The following COL24A1 variants were observed in gnomAD, a reference collection of about 807,000 sequenced individuals.
The protein encoded by COL24A1 is collagen alpha-1(XXIV) chain.
In COL24A1, 224 loss-of-function variants were observed where a neutral mutation model predicts 253.9. The ratio of observed to expected loss-of-function variants is 0.88; its 90% CI spans 0.79 to 0.99. The LOEUF is 0.99. Among genes scored for constraint, COL24A1 ranks in the 50% least tolerant of loss-of-function variants. The pLI is 0.00. For synonymous variants in COL24A1, 685 were observed against 673.7 expected, an observed-to-expected ratio of 1.02 and a Z score of -0.26; for missense variants, 2,131 against 2,068.5, an observed-to-expected ratio of 1.03 and a Z score of -0.59.
At chr1:86,074,413 T>C (rs1010304355) in intron 7 of COL24A1, among the ~76,000 whole-genome samples, 4 of 152,176 alleles carry the variant, frequency 2.6e-5, no homozygotes, top group Non-Finnish European at 4.4e-5. Flanking sequence ...CTAACACTTC[T>C]AAATATACAT....
At chr1:85,884,946 A>T (rs559566921) in intron 32 of COL24A1, among the ~76,000 whole-genome samples, 1 of 152,204 alleles carries the variant, frequency 6.6e-6, no homozygotes, top group East Asian at 1.9e-4. Context: ...GAGTTTTTTA[A>T]CACTCAAGCT....
At chr1:85,978,805 A>ACTTCATCTATGCCCT (rs1692953367) in intron 20 of COL24A1, among the ~76,000 whole-genome samples, 1 of 152,124 alleles carries the variant, frequency 6.6e-6, no homozygotes, top group Non-Finnish European at 1.5e-5. Flanking sequence ...TCAACAAAGA[A>ACTTCATCTATGCCCT]AGTGAACTTC....
chr1:85,907,395 G>C (rs1011259150), intron 27 of COL24A1, 148 bp from the exon 28 acceptor site: 3 of 617,202 alleles, frequency 4.9e-6, no homozygotes, highest in Non-Finnish European at 8.4e-6. Context: ...TAATCACACT[G>C]CCCTCTACCA....
chr1:86,022,183 C>T (rs1194125788), intron 18 of COL24A1, 57 bp downstream of exon 18: 1 of 1,446,606 alleles, frequency 6.9e-7, no homozygotes, highest in East Asian at 2.3e-5. Context: ...TGTCGAGACT[C>T]ATGCCATGAC....
chr1:86,006,333 T>G (rs74793007), intron 19 of COL24A1, among the ~76,000 whole-genome samples: 13,137 of 152,126 alleles, frequency 0.086, 695 homozygotes, highest in Middle Eastern at 0.19. Flanking sequence ...CGGAACAGAA[T>G]AGAGAACCCA....
intron 14 of COL24A1, among the ~76,000 whole-genome samples, chr1:86,025,423 G>C (rs1559046486): frequency 6.6e-6 from 1 of 152,084 alleles, no homozygotes; most frequent in African/African-American, 2.4e-5. Flanking sequence ...CAATTAATAA[G>C]GGTTCATATG....
chr1:85,927,249 C>T (rs1687388122), intron 24 of COL24A1, among the ~76,000 whole-genome samples: 1 of 152,178 alleles, frequency 6.6e-6, no homozygotes, highest in African/African-American at 2.4e-5. Context: ...CGAAGCAGGG[C>T]AAGGCATTGC....
In COL24A1 at chr1:86,057,979, G is replaced by A; in HGVS notation, c.1807-4C>T. On this transcript the variant is annotated splice_polypyrimidine_tract_variant and splice_region_variant and intron_variant, in intron 9 of 59. Transcript: ENST00000370571. ...TACCTTCTGGTCCAGCTAAACCCTG[G>A]TGTAAACAAAAGACATTGTCATCAT... 1 of 1,611,788 alleles carries A rather than the reference G, an allele frequency of 6.2e-7. No homozygotes were observed. The highest frequency in any genetic ancestry group is 8.5e-7 in the Non-Finnish European group (1 of 1,178,784).
At chr1:85,979,368 CAA>C (rs975699912) in intron 20 of COL24A1, among the ~76,000 whole-genome samples, 46 of 151,182 alleles carry the variant, frequency 3.0e-4, no homozygotes, top group African/African-American at 1.0e-3. Flanking sequence ...TAAATTGAAA[CAA>C]AAAATACAAA....
chr1:85,913,238 GC>G (rs1685544914), intron 24 of COL24A1, among the ~76,000 whole-genome samples: 1 of 152,194 alleles, frequency 6.6e-6, no homozygotes, highest in Non-Finnish European at 1.5e-5. Flanking sequence ...TTCTGAGACA[GC>G]TGGTTTGATA....
intron 21 of COL24A1, among the ~76,000 whole-genome samples, chr1:85,970,549 C>A (rs1418732313): frequency 6.6e-6 from 1 of 151,642 alleles, no homozygotes; most frequent in Non-Finnish European, 1.5e-5. Flanking sequence ...TCATAATTCT[C>A]TAAAAGAAAA....
At chr1:85,974,662 A>G (rs1358109901) in intron 20 of COL24A1, among the ~76,000 whole-genome samples, 1 of 152,124 alleles carries the variant, frequency 6.6e-6, no homozygotes, top group Non-Finnish European at 1.5e-5. Context: ...AGGGGCTTCC[A>G]ATGTTCTATT....
Position 85,932,980 on chromosome 1 carries a change from T to A in COL24A1, c.2563-21547A>T, listed in dbSNP as rs1266801491. Among the ~76,000 whole-genome samples the A allele has an allele frequency of 3.9e-4, 52 of 132,252 alleles. 1 individual carries two copies. The highest frequency in any genetic ancestry group is 3.0e-4 in the Non-Finnish European group (19 of 62,930). 86.8% of individuals were successfully genotyped at this position (132,252 alleles called of 152,430 possible). ...GAGGGATAGTATTGGGAGATATACC[T>A]AATGCTAGATGACACATTAGTGGGT... On this transcript the variant is annotated intron_variant, in intron 24 of 59. Transcript: ENST00000370571.
At chr1:85,822,522 A>T (rs1431777912) in intron 45 of COL24A1, among the ~76,000 whole-genome samples, 1 of 152,218 alleles carries the variant, frequency 6.6e-6, no homozygotes, top group Non-Finnish European at 1.5e-5. Flanking sequence ...GGCCACATGG[A>T]AAGAGAAGAC....
intron 53 of COL24A1, among the ~76,000 whole-genome samples, chr1:85,762,556 A>C (rs1042921880): frequency 8.5e-5 from 13 of 152,222 alleles, no homozygotes; most frequent in African/African-American, 2.7e-4. Context: ...AATTAATACT[A>C]GTTAATACTA....
At chr1:86,121,084 T>A (rs575974523) in intron 3 of COL24A1, among the ~76,000 whole-genome samples, 1 of 152,030 alleles carries the variant, frequency 6.6e-6, no homozygotes, top group African/African-American at 2.4e-5. Context: ...AGGTGGAAAT[T>A]GAAGAATGAG....
chr1:85,914,657 T>C (rs184798819), intron 24 of COL24A1, among the ~76,000 whole-genome samples: 44 of 152,280 alleles, frequency 2.9e-4, no homozygotes, highest in African/African-American at 9.9e-4. Flanking sequence ...TCCCAAAGTA[T>C]TGGGATTACA....
chr1:85,875,162 T>A (rs1680990881), intron 34 of COL24A1, 115 bp downstream of exon 34: 3 of 853,446 alleles, frequency 3.5e-6, no homozygotes, highest in Non-Finnish European at 5.7e-6. Context: ...CCTGTTTTTA[T>A]CTGGGGGCTT....
rs1272613282 is a variant in COL24A1, at chr1:85,730,348, T to G, written c.*198A>C. On this transcript the variant is annotated 3_prime_UTR_variant, in exon 60 of 60. Coordinates refer to ENST00000370571, the MANE Select transcript of COL24A1 (RefSeq NM_152890.7). ...AGATGAATATAATTTTTAAAAGAATTAAATACTTTATCAATCATAGTCCTT... is the reference window on the plus strand; with the variant it reads ...AGATGAATATAATTTTTAAAAGAATGAAATACTTTATCAATCATAGTCCTT... 6 of 447,040 alleles carry G rather than the reference T, an allele frequency of 1.3e-5. No homozygotes were observed. Among genetic ancestry groups the G allele is most frequent in the Non-Finnish European group, 1.9e-5 (5 of 257,600 alleles). The allele number at this position is 447,040 out of a possible 1,614,324, so 27.7% of individuals were successfully genotyped here. A position where few individuals can be genotyped will look rare whatever the true frequency, so the allele number is the denominator to read the frequency against.
Sources: gnomAD v4.1 joint callset for allele counts (sites outside exome capture counted in the v4.1 genomes callset) on GRCh38, gnomAD v4.1.1 for gene constraint, MANE v1.5 for transcripts, NCBI Gene and HGNC (gene_info 2026-07-23, HGNC 2026-07-21) for gene names.